The following TNNT2 variants were observed in gnomAD, a reference collection of about 807,000 sequenced individuals.
The protein encoded by TNNT2 is troponin T2, cardiac type.
A neutral mutation model predicts 62.4 loss-of-function variants in TNNT2; 34 were observed. The ratio of observed to expected loss-of-function variants is 0.54; its 90% confidence interval spans 0.41 to 0.72. TNNT2 has a LOEUF of 0.72. Among genes scored for constraint, TNNT2 ranks in the 30% least tolerant of loss-of-function variants. TNNT2 has a pLI of 0.00. For missense variants in TNNT2, 275 were observed against 381.9 expected (o/e 0.72, Z 2.33); for synonymous variants, 123 against 127.2 (o/e 0.97, Z 0.22).
At chr1:201,372,102 C>T (rs749394645) in intron 3 of TNNT2, 43 bp downstream of exon 3, 7 of 1,614,146 alleles carry the variant, frequency 4.3e-6, no homozygotes, top group Non-Finnish European at 5.1e-6. Flanking sequence ...AGTTTCGAAC[C>T]AGGCTGTCTT....
At position 201,363,594 on chromosome 1, in the gene TNNT2, G is replaced by T; in HGVS notation, c.490-188C>A. On this transcript the variant is annotated intron_variant, in intron 11 of 16. Transcript: ENST00000656932. ...TCCACTGACTGAGAAATGACTGCGT[G>T]ATTGAATGAGGTCCTGATTCCCAAA... 4 of 601,672 alleles carry T rather than the reference G, an allele frequency of 6.6e-6. 1 individual carries two copies. Among genetic ancestry groups the T allele is most frequent in the Non-Finnish European group, 1.2e-5 (4 of 334,082 alleles). 37.3% of individuals were successfully genotyped at this position (601,672 alleles called of 1,614,324 possible).
chr1:201,359,711 C>T (rs780117607), intron 15 of TNNT2, 48 bp from the exon 16 acceptor site: 9 of 1,549,668 alleles, frequency 5.8e-6, no homozygotes, highest in African/African-American at 1.4e-5. Context: ...AGCTGACTGG[C>T]TCAGGTCCCA....
chr1:201,368,746 G>A (rs906082943), intron 5 of TNNT2, among the ~76,000 whole-genome samples: 1 of 152,212 alleles, frequency 6.6e-6, no homozygotes, highest in Non-Finnish European at 1.5e-5. Context: ...GGCACTTGGT[G>A]TAGACAGACA....
intron 14 of TNNT2, 126 bp from the exon 15 acceptor site, chr1:201,361,495 C>A (rs1658628523): frequency 3.3e-6 from 3 of 902,470 alleles, no homozygotes; most frequent in Non-Finnish European, 5.5e-6. Context: ...GCCAAGGGTA[C>A]CCCAGCCCAC....
At chr1:201,366,409 C>T in intron 8 of TNNT2, 1 of 1,083,254 alleles carries the variant, frequency 9.2e-7, no homozygotes, top group South Asian at 2.9e-5. Context: ...ACGTGTGTGG[C>T]ACCAAGCCGT....
Position 201,361,001 on chromosome 1 carries a change from T to C in TNNT2, c.810+278A>G, listed in dbSNP as rs10920181. On this transcript the variant is annotated intron_variant, in intron 15 of 16. Transcript: ENST00000656932. ...TTGTAACCAGCTCAGATCACTGAGCTGCTGCCTCAACGTGTTGGAGACCCC... is the reference window on the plus strand; with the variant it reads ...TTGTAACCAGCTCAGATCACTGAGCCGCTGCCTCAACGTGTTGGAGACCCC... The C allele has an allele frequency of 0.12, 60,994 of 489,446 alleles. 4,799 individuals carry two copies. Among genetic ancestry groups the C allele is most frequent in the African/African-American group, 0.27 (13,687 of 51,156 alleles). The allele number at this position is 489,446 out of a possible 1,614,324, so 30.3% of individuals were successfully genotyped here. A position where few individuals can be genotyped will look rare whatever the true frequency, so the allele number is the denominator to read the frequency against.
chr1:201,373,185 C>T (rs2102316436), intron 2 of TNNT2, 29 bp downstream of exon 2: 2 of 1,613,094 alleles, frequency 1.2e-6, no homozygotes, highest in East Asian at 2.2e-5. Context: ...GAGAGGACCC[C>T]ACTCAGGCAA....
At chr1:201,368,073 T>A in intron 6 of TNNT2, 89 bp downstream of exon 6, 1 of 1,361,128 alleles carries the variant, frequency 7.3e-7, no homozygotes, top group Non-Finnish European at 1.1e-6. Flanking sequence ...TGGGAAAGCC[T>A]GTTCTGGGGG....
Position 201,371,929 on chromosome 1 carries a change from A to C in TNNT2, c.67+98T>G. 6.0e-6 allele frequency: 9 copies of C among 1,493,900 alleles called. No homozygotes were observed. In the South Asian group the frequency reaches 9.1e-5, roughly 15 times the overall value. 92.5% of individuals were successfully genotyped at this position (1,493,900 alleles called of 1,614,324 possible). On this transcript the variant is annotated intron_variant, in intron 4 of 16. Transcript: ENST00000656932. ...GGAGGATCTTGCTCAGCTGAGAGTG[A>C]GGAGCAGGGACAGATGAGCTGCTTT...
chr1:201,376,195 G>T (rs146713556), intron 1 of TNNT2, among the ~76,000 whole-genome samples: 4 of 152,154 alleles, frequency 2.6e-5, no homozygotes, highest in Non-Finnish European at 4.4e-5. Context: ...AGCCTAACAC[G>T]TTCACAGGGT....
At chr1:201,375,381 G>A (rs904570612) in intron 1 of TNNT2, 11 of 152,240 alleles carry the variant, frequency 7.2e-5, no homozygotes, top group African/African-American at 2.7e-4. Flanking sequence ...TGCTGGAGCA[G>A]GGTGAGGACA....
chr1:201,367,451 T>C, intron 7 of TNNT2: 1 of 526,726 alleles, frequency 1.9e-6, no homozygotes. Flanking sequence ...CACCACATCC[T>C]ACAAGTGATT....
In TNNT2 at chr1:201,372,196, GCACATGCAAACACACACGCCTGCACA is replaced by G. The variant is rs758537974; in HGVS notation, c.42-67_42-42del. On this transcript the variant is annotated intron_variant, in intron 2 of 16. Coordinates refer to ENST00000656932, the MANE Select transcript of TNNT2 (RefSeq NM_001276345.2). ...AACACTGTCAGTAGCTCGCACACAAGCACATGCAAACACACACGCCTGCACACACATGCACACACTGGCCTTTCCCC... is the reference window on the plus strand; with the variant it reads ...AACACTGTCAGTAGCTCGCACACAAGCACATGCACACACTGGCCTTTCCCC... 8.1e-6 allele frequency: 13 copies of G among 1,613,686 alleles called. No individual in the cohort carries two copies. In the Admixed American group the frequency reaches 1.5e-4, roughly 19 times the overall value.
At chr1:201,365,862 G>C in intron 8 of TNNT2, 192 bp from the exon 9 acceptor site, 1 of 1,468,942 alleles carries the variant, frequency 6.8e-7, no homozygotes, top group Non-Finnish European at 9.0e-7. Context: ...AATACACAAA[G>C]CTCTTTCACA....
Position 201,363,296 on chromosome 1 carries a change from C to A in TNNT2, c.600G>T (p.Lys200Asn), listed in dbSNP as rs1376311899. ...NMMHFGGYIQ[K>N]QAQTERKSGK... ...GCAACCCCTGCTGCTCCCTACCTAC[C>A]TTCTGGATGTAACCCCCAAAATGCA... The change falls in exon 12 of 17, where the codon AAG becomes AAT. Residue 200 changes from lysine (K) to asparagine (N), a missense_variant and splice_region_variant. Physicochemically the swap from Lys to Asn is moderately conservative, Grantham distance 94. Coordinates refer to ENST00000656932, the MANE Select transcript of TNNT2 (RefSeq NM_001276345.2). 1 of 1,614,158 alleles carries A rather than the reference C, an allele frequency of 6.2e-7. No individual in the cohort carries two copies. Among genetic ancestry groups the A allele is most frequent in the Non-Finnish European group, 8.5e-7 (1 of 1,180,014 alleles).
At chr1:201,368,559 G>C in intron 5 of TNNT2, 1 of 467,338 alleles carries the variant, frequency 2.1e-6, no homozygotes, top group South Asian at 1.6e-5. Flanking sequence ...AGAAGCTCCT[G>C]TCCTGAACCT....
intron 12 of TNNT2, among the ~76,000 whole-genome samples, 179 bp from the exon 13 acceptor site, chr1:201,362,573 C>T (rs1455427709): frequency 6.6e-6 from 1 of 152,086 alleles, no homozygotes. Flanking sequence ...AGGGGCTGTT[C>T]GGTAGCATGA....
chr1:201,376,586 T>C (rs908608781), intron 1 of TNNT2, among the ~76,000 whole-genome samples: 3 of 152,144 alleles, frequency 2.0e-5, no homozygotes, highest in Non-Finnish European at 4.4e-5. Context: ...ATTCCACTTT[T>C]GCAGAGAGAA....
intron 4 of TNNT2, 65 bp downstream of exon 4, chr1:201,371,961 GC>G: frequency 6.2e-7 from 1 of 1,607,048 alleles, no homozygotes; most frequent in Non-Finnish European, 8.5e-7. Context: ...CTTTCCCAGG[GC>G]TCCCAGGATT....
Sources: allele counts gnomAD v4.1 joint callset (sites outside exome capture counted in the v4.1 genomes callset), GRCh38; gene constraint gnomAD v4.1.1; transcripts MANE v1.5; gene names NCBI Gene and HGNC (gene_info 2026-07-23, HGNC 2026-07-21).